LINGO2: variants seen among roughly 807,000 people sequenced by gnomAD.
LINGO2 encodes leucine rich repeat and Ig domain containing 2, also known as leucine-rich repeat and immunoglobulin-like domain-containing nogo receptor-interacting protein 2.
A neutral mutation model predicts 30.6 loss-of-function variants in LINGO2; 14 were observed. The ratio of observed to expected loss-of-function variants is 0.46; its 90% CI spans 0.30 to 0.72. LINGO2 has a LOEUF of 0.72. LINGO2 is among the 30% of genes least tolerant of loss of function. The probability of loss-of-function intolerance (pLI) is 0.07; values close to 1 mark genes in which losing one functional copy is unlikely to be tolerated. For synonymous variants in LINGO2, 317 were observed against 288.5 expected (o/e 1.10, Z -1.00); for missense variants, 729 against 751.7 (o/e 0.97, Z 0.35).
chr9:28,695,390 G>A, the LINGO2 span, among the ~76,000 whole-genome samples: 4 of 151,738 alleles, frequency 2.6e-5, no homozygotes, highest in South Asian at 2.1e-4. Flanking sequence ...ATGCATTCTT[G>A]GCATAAATAT....
intron 1 of LINGO2, among the ~76,000 whole-genome samples, chr9:28,615,071 A>G (rs913947697): frequency 1.3e-5 from 2 of 152,132 alleles, no homozygotes; most frequent in African/African-American, 4.8e-5. Context: ...AGGACATTTT[A>G]AATTTTCTGT....
intron 4 of LINGO2, among the ~76,000 whole-genome samples, chr9:28,015,699 C>T (rs1033167624): frequency 6.6e-6 from 1 of 152,038 alleles, no homozygotes; most frequent in Non-Finnish European, 1.5e-5. Context: ...GAATGTACAT[C>T]GTGACAAACT....
At chr9:28,954,218 C>T in the LINGO2 span, among the ~76,000 whole-genome samples, 1 of 152,074 alleles carries the variant, frequency 6.6e-6, no homozygotes, top group Non-Finnish European at 1.5e-5. Context: ...GCCTCAATAG[C>T]TTTAGTTTGA....
At chr9:28,568,429 T>C (rs1171923939) in intron 1 of LINGO2, among the ~76,000 whole-genome samples, 1 of 151,966 alleles carries the variant, frequency 6.6e-6, no homozygotes, top group Non-Finnish European at 1.5e-5. Context: ...CCCATGACAC[T>C]AGTTTACCTA....
the LINGO2 span, among the ~76,000 whole-genome samples, chr9:28,916,605 C>G: frequency 1.3e-5 from 2 of 152,166 alleles, no homozygotes; most frequent in Non-Finnish European, 2.9e-5. Context: ...CAATTGCTTC[C>G]AGTTGTCTTG....
At chr9:28,367,470 G>C (rs1287580771) in intron 3 of LINGO2, among the ~76,000 whole-genome samples, 2 of 151,858 alleles carry the variant, frequency 1.3e-5, no homozygotes, top group Non-Finnish European at 2.9e-5. Flanking sequence ...TGATAACCTG[G>C]GAAATGTTAT....
At chr9:28,593,527 G>A (rs974283437) in intron 1 of LINGO2, among the ~76,000 whole-genome samples, 1 of 151,968 alleles carries the variant, frequency 6.6e-6, no homozygotes, top group Non-Finnish European at 1.5e-5. Flanking sequence ...GAAACAGATG[G>A]ACCACAGTAG....
intron 1 of LINGO2, among the ~76,000 whole-genome samples, chr9:28,563,309 A>T (rs1237998068): frequency 2.0e-5 from 3 of 152,146 alleles, no homozygotes; most frequent in African/African-American, 7.2e-5. Context: ...GGGAATATCA[A>T]TAAATTAAAA....
the LINGO2 span, among the ~76,000 whole-genome samples, chr9:29,201,914 C>G: frequency 4.6e-5 from 7 of 152,056 alleles, no homozygotes; most frequent in South Asian, 1.5e-3. Context: ...GTCCAATAAC[C>G]AGAAATCAAT....
At chr9:29,046,734 T>C in the LINGO2 span, among the ~76,000 whole-genome samples, 1 of 151,866 alleles carries the variant, frequency 6.6e-6, no homozygotes, top group Non-Finnish European at 1.5e-5. Context: ...AAAGCAAAAA[T>C]TGACAAGTGA....
At chr9:28,118,712 T>C (rs920992379) in intron 4 of LINGO2, among the ~76,000 whole-genome samples, 1 of 152,208 alleles carries the variant, frequency 6.6e-6, no homozygotes, top group African/African-American at 2.4e-5. Flanking sequence ...AAAATTAACT[T>C]ATGCTTCATA....
At chr9:29,117,782 T>G in the LINGO2 span, among the ~76,000 whole-genome samples, 2 of 152,232 alleles carry the variant, frequency 1.3e-5, no homozygotes, top group Non-Finnish European at 2.9e-5. Context: ...AAGTTAGTAC[T>G]TCATGTCTCT....
At chr9:28,142,403 A>T (rs748493207) in intron 4 of LINGO2, among the ~76,000 whole-genome samples, 13 of 152,164 alleles carry the variant, frequency 8.5e-5, no homozygotes, top group Non-Finnish European at 1.6e-4. Flanking sequence ...GTTGCAAGTT[A>T]TGTAGCAATG....
At chr9:29,188,236 C>T in the LINGO2 span, among the ~76,000 whole-genome samples, 1 of 151,536 alleles carries the variant, frequency 6.6e-6, no homozygotes, top group African/African-American at 2.4e-5. Context: ...GAGCATGCTG[C>T]CTTCAAGCAT....
intron 4 of LINGO2, among the ~76,000 whole-genome samples, chr9:28,196,885 C>T (rs895244251): frequency 3.3e-5 from 5 of 151,796 alleles, no homozygotes; most frequent in African/African-American, 4.8e-5. Flanking sequence ...ATGATGGCTT[C>T]CAGAGGCCAG....
chr9:29,108,993 A>T, the LINGO2 span, among the ~76,000 whole-genome samples: 1 of 152,190 alleles, frequency 6.6e-6, no homozygotes, highest in African/African-American at 2.4e-5. Context: ...AATAGCTAGA[A>T]CCATTTTGCT....
intron 3 of LINGO2, among the ~76,000 whole-genome samples, chr9:28,354,290 G>A (rs1484962845): frequency 2.0e-5 from 3 of 151,994 alleles, no homozygotes; most frequent in Non-Finnish European, 2.9e-5. Context: ...ACTATGTTGC[G>A]GTTCATTATT....
chr9:28,645,747 A>G (rs1357409530), intron 1 of LINGO2, among the ~76,000 whole-genome samples: 1 of 152,096 alleles, frequency 6.6e-6, no homozygotes, highest in African/African-American at 2.4e-5. Flanking sequence ...TCTACTGAAA[A>G]TGATATCTAA....
Position 28,621,485 on chromosome 9 carries a change from G to T in LINGO2, c.-365+48715C>A, listed in dbSNP as rs138719736. On this transcript the variant is annotated intron_variant, in intron 1 of 5. Coordinates refer to ENST00000379992, the Ensembl canonical transcript of LINGO2. ...GCAGAATACCCCAACTGGCACAAGA[G>T]AACCACTGATTTGCTTCCTGTCACC... is the stretch of plus-strand genomic sequence containing the variant. 1.6e-3 allele frequency among the ~76,000 whole-genome samples: 237 copies of T among 151,562 alleles called. 1 individual carries two copies. Among genetic ancestry groups the T allele is most frequent in the African/African-American group, 4.4e-3 (180 of 41,376 alleles).
Sources: gnomAD v4.1 joint callset for allele counts (sites outside exome capture counted in the v4.1 genomes callset) on GRCh38, gnomAD v4.1.1 for gene constraint, MANE v1.5 for transcripts, NCBI Gene and HGNC (gene_info 2026-07-23, HGNC 2026-07-21) for gene names.